The following BMP2K variants were observed in gnomAD, a reference collection of about 807,000 sequenced individuals.
The protein encoded by BMP2K is BMP-2-inducible protein kinase.
In BMP2K, 74 loss-of-function variants were observed where a neutral mutation model predicts 116.0. The observed-to-expected ratio is 0.64, with a 90% CI of 0.53 to 0.77. The LOEUF (loss-of-function observed/expected upper bound fraction) is 0.77, where lower values mean the gene tolerates loss of function less well. Ranked by LOEUF, BMP2K falls within the 30% of genes least tolerant of loss-of-function variation. The probability of loss-of-function intolerance (pLI) is 0.00; values close to 1 mark genes in which losing one functional copy is unlikely to be tolerated. For missense variants in BMP2K, 1,365 were observed against 1,403.6 expected (o/e 0.97, Z 0.44); for synonymous variants, 486 against 502.5 (o/e 0.97, Z 0.44).
chr4:78,886,525 C>A (rs7680505), intron 14 of BMP2K, among the ~76,000 whole-genome samples: 9,922 of 152,160 alleles, frequency 0.065, 963 homozygotes, highest in African/African-American at 0.22. Flanking sequence ...TTTGTTTGAC[C>A]TTACATGCCA....
intron 1 of BMP2K, among the ~76,000 whole-genome samples, chr4:78,814,957 A>G (rs1400653591): frequency 6.6e-6 from 1 of 152,012 alleles, no homozygotes; most frequent in Non-Finnish European, 1.5e-5. Context: ...AGCTTAACTA[A>G]TTTTTCAATG....
At chr4:78,803,002 AC>A (rs1000334812) in intron 1 of BMP2K, among the ~76,000 whole-genome samples, 2 of 152,046 alleles carry the variant, frequency 1.3e-5, no homozygotes, top group African/African-American at 2.4e-5. Context: ...GGCGCCTGCC[AC>A]CACGCCCAGC....
At chr4:78,795,419 T>G (rs1419897300) in intron 1 of BMP2K, among the ~76,000 whole-genome samples, 1 of 152,108 alleles carries the variant, frequency 6.6e-6, no homozygotes, top group Non-Finnish European at 1.5e-5. Context: ...GATGATGGGT[T>G]AAAGAGTTGC....
chr4:78,835,354 G>A (rs941390938), intron 3 of BMP2K, among the ~76,000 whole-genome samples: 17 of 152,012 alleles, frequency 1.1e-4, no homozygotes, highest in African/African-American at 1.2e-4. Flanking sequence ...GGCCTGGTGC[G>A]GTGGCTCACG....
At chr4:78,823,295 A>G (rs1333333561) in intron 1 of BMP2K, among the ~76,000 whole-genome samples, 1 of 151,948 alleles carries the variant, frequency 6.6e-6, no homozygotes, top group Non-Finnish European at 1.5e-5. Context: ...TGGGTGAGTA[A>G]GAATAGGTAT....
chr4:78,811,144 A>AG (rs1246239374), intron 1 of BMP2K, among the ~76,000 whole-genome samples: 1 of 152,108 alleles, frequency 6.6e-6, no homozygotes, highest in Non-Finnish European at 1.5e-5. Context: ...CTTTTACTGC[A>AG]CTTGTGGTAT....
intron 1 of BMP2K, among the ~76,000 whole-genome samples, chr4:78,778,813 G>A (rs553255255): frequency 2.0e-5 from 3 of 152,280 alleles, no homozygotes; most frequent in African/African-American, 7.2e-5. Context: ...CATAAGATTG[G>A]GTCATGTACT....
chr4:78,789,314 T>G (rs1727891233), intron 1 of BMP2K, among the ~76,000 whole-genome samples: 1 of 152,208 alleles, frequency 6.6e-6, no homozygotes, highest in African/African-American at 2.4e-5. Context: ...CTAGTAGTTA[T>G]GGCCTCTTTC....
intron 7 of BMP2K, among the ~76,000 whole-genome samples, chr4:78,857,506 GAAAAC>G (rs927850144): frequency 7.2e-5 from 11 of 151,974 alleles, no homozygotes; most frequent in African/African-American, 2.7e-4. Flanking sequence ...TGCTATGAAA[GAAAAC>G]AAAACAAAGA....
chr4:78,884,361 A>G (rs936803773), intron 14 of BMP2K, among the ~76,000 whole-genome samples: 6 of 152,072 alleles, frequency 3.9e-5, no homozygotes, highest in South Asian at 4.2e-4. Flanking sequence ...AAAAACCAGT[A>G]TATAAAATTG....
At chr4:78,890,392 AC>A (rs1204967750) in intron 15 of BMP2K, among the ~76,000 whole-genome samples, 1 of 142,722 alleles carries the variant, frequency 7.0e-6, no homozygotes, top group East Asian at 1.9e-4. Flanking sequence ...CCTCACACAT[AC>A]ACAATCATGC....
At chr4:78,860,903 T>C (rs1019080646) in intron 8 of BMP2K, among the ~76,000 whole-genome samples, 4 of 151,806 alleles carry the variant, frequency 2.6e-5, no homozygotes, top group South Asian at 2.1e-4. Context: ...CAAGTATTTA[T>C]TGAGTACCTA....
chr4:78,873,477 A>G (rs548814720), intron 13 of BMP2K, among the ~76,000 whole-genome samples: 1 of 152,360 alleles, frequency 6.6e-6, no homozygotes, highest in South Asian at 2.1e-4. Flanking sequence ...CTTCTGTTAC[A>G]TGAACACTGA....
chr4:78,835,235 T>G (rs1351049003), intron 3 of BMP2K, among the ~76,000 whole-genome samples: 3 of 152,198 alleles, frequency 2.0e-5, no homozygotes, highest in African/African-American at 7.2e-5. Flanking sequence ...GTTTTAAAAA[T>G]TTTTTAGAAA....
At chr4:78,879,115 G>A (rs1732777334) in intron 14 of BMP2K, 1 of 1,258,008 alleles carries the variant, frequency 7.9e-7, no homozygotes, top group Admixed American at 4.3e-5. Flanking sequence ...CTGATAGTAT[G>A]CTAATATCCT....
intron 1 of BMP2K, among the ~76,000 whole-genome samples, chr4:78,816,594 G>A (rs1365857423): frequency 2.0e-4 from 30 of 152,122 alleles, no homozygotes; most frequent in Admixed American, 2.0e-3. Context: ...TTCCAAGATG[G>A]ATTTTCAGTT....
chr4:78,888,795 G>T lies in BMP2K; in HGVS notation c.2062+1511G>T, dbSNP rs185932549. 2.6e-3 allele frequency among the ~76,000 whole-genome samples: 393 copies of T among 152,270 alleles called. 1 individual carries two copies. Among genetic ancestry groups the T allele is most frequent in the Non-Finnish European group, 4.4e-3 (302 of 68,032 alleles). ...TAATTGAGGGTGGGAAATATGAATT[G>T]TCTATCTTTGAATCCTGCCCAGTAT... On this transcript the variant is annotated intron_variant, in intron 15 of 15. Coordinates refer to ENST00000502613, the MANE Select transcript of BMP2K (RefSeq NM_198892.2).
At chr4:78,828,071 C>T (rs1286939702) in intron 2 of BMP2K, among the ~76,000 whole-genome samples, 1 of 152,174 alleles carries the variant, frequency 6.6e-6, no homozygotes, top group African/African-American at 2.4e-5. Context: ...AGAGCAGACC[C>T]ATCCTCAATC....
intron 13 of BMP2K, among the ~76,000 whole-genome samples, chr4:78,873,658 C>G (rs62307960): frequency 1.6e-4 from 22 of 139,412 alleles, no homozygotes; most frequent in East Asian, 1.3e-3. Context: ...CTCCCAACCT[C>G]TGTGTGTGTG....
Sources: gnomAD v4.1 joint callset for allele counts (sites outside exome capture counted in the v4.1 genomes callset) on GRCh38, gnomAD v4.1.1 for gene constraint, MANE v1.5 for transcripts, NCBI Gene and HGNC (gene_info 2026-07-23, HGNC 2026-07-21) for gene names.